The following TAF4B variants were observed in gnomAD, a reference collection of about 807,000 sequenced individuals.
TAF4B encodes the protein transcription initiation factor TFIID subunit 4B.
TAF4B carries 38 observed loss-of-function variants against 86.4 expected under a neutral mutation model. The observed-to-expected ratio is 0.44, with a 90% CI of 0.34 to 0.58. The LOEUF is 0.58. TAF4B is among the 20% of genes least tolerant of loss of function. The pLI, the probability that TAF4B is intolerant of heterozygous loss-of-function variation, is 0.02. For synonymous variants in TAF4B, 388 were observed against 391.2 expected, an observed-to-expected ratio of 0.99 and a Z score of 0.10; for missense variants, 988 against 1,027.6, an observed-to-expected ratio of 0.96 and a Z score of 0.53.
intron 1 of TAF4B, among the ~76,000 whole-genome samples, chr18:26,255,046 A>G (rs1205791668): frequency 1.3e-5 from 2 of 150,290 alleles, no homozygotes; most frequent in African/African-American, 4.8e-5. Context: ...AGGGAAAACA[A>G]GAGTAGCCAG....
intron 5 of TAF4B, among the ~76,000 whole-genome samples, chr18:26,279,274 G>A (rs896113073): frequency 2.0e-5 from 3 of 152,002 alleles, no homozygotes; most frequent in Non-Finnish European, 4.4e-5. Flanking sequence ...ATTTACAATA[G>A]CCACACACAC....
rs141463249 is a variant in TAF4B, at chr18:26,332,518, G to A, written c.2260-2657G>A. 3.9e-5 allele frequency among the ~76,000 whole-genome samples: 6 copies of A among 152,000 alleles called. No individual in the cohort carries two copies. The East Asian group carries it at 5.8e-4, about 15-fold the overall frequency. On this transcript the variant is annotated intron_variant, in intron 12 of 14. Coordinates refer to ENST00000269142, the MANE Select transcript of TAF4B (RefSeq NM_005640.3). ...CATCTCACCCCTGTGCTCCAAACAC[G>A]CCAGTGGATTTTTGTTGTTGTTATT... is the stretch of plus-strand genomic sequence containing the variant.
intron 14 of TAF4B, among the ~76,000 whole-genome samples, chr18:26,358,071 T>C (rs973207034): frequency 5.3e-5 from 8 of 152,314 alleles, no homozygotes; most frequent in African/African-American, 1.4e-4. Flanking sequence ...TATTTAAATT[T>C]TTTATTTCTG....
chr18:26,308,731 G>T (rs1249709461), intron 9 of TAF4B, among the ~76,000 whole-genome samples: 1 of 151,850 alleles, frequency 6.6e-6, no homozygotes, highest in Non-Finnish European at 1.5e-5. Context: ...AATTAGCTGG[G>T]TGTGGTGGTG....
At chr18:26,310,688 C>T (rs906857674) in intron 9 of TAF4B, among the ~76,000 whole-genome samples, 3 of 152,040 alleles carry the variant, frequency 2.0e-5, no homozygotes, top group Non-Finnish European at 4.4e-5. Context: ...ACATTTTACA[C>T]GAAATTTATA....
At chr18:26,342,375 C>A (rs2057143599) in intron 13 of TAF4B, among the ~76,000 whole-genome samples, 1 of 152,078 alleles carries the variant, frequency 6.6e-6, no homozygotes, top group African/African-American at 2.4e-5. Flanking sequence ...TTAAATGTGC[C>A]CCTGTTCCTG....
chr18:26,264,182 T>C (rs2056207488), intron 1 of TAF4B, among the ~76,000 whole-genome samples: 1 of 152,180 alleles, frequency 6.6e-6, no homozygotes, highest in Non-Finnish European at 1.5e-5. Context: ...CTCACACCTG[T>C]AATCCCAGCA....
chr18:26,381,951 T>C (rs898988283), intron 14 of TAF4B, among the ~76,000 whole-genome samples: 8 of 114,764 alleles, frequency 7.0e-5, no homozygotes, highest in Middle Eastern at 4.0e-3. Flanking sequence ...TGGTTTCTCT[T>C]TTTTTCTATA....
intron 9 of TAF4B, among the ~76,000 whole-genome samples, chr18:26,308,115 A>C (rs1192270799): frequency 6.6e-6 from 1 of 151,894 alleles, no homozygotes; most frequent in African/African-American, 2.4e-5. Context: ...TTAGTTGGGC[A>C]TGGTGGCGCA....
intron 5 of TAF4B, among the ~76,000 whole-genome samples, chr18:26,279,712 A>G (rs2056424600): frequency 1.3e-5 from 2 of 152,208 alleles, no homozygotes; most frequent in Non-Finnish European, 2.9e-5. Context: ...CTGCACACCT[A>G]CAACTATCTG....
intron 1 of TAF4B, among the ~76,000 whole-genome samples, chr18:26,231,349 T>G (rs1333776074): frequency 2.3e-5 from 3 of 130,872 alleles, no homozygotes; most frequent in East Asian, 2.1e-4. Flanking sequence ...CTTGGGGTTT[T>G]TTTTTTTTTT....
At position 26,275,153 on chromosome 18, in the gene TAF4B, T is replaced by A. The variant is rs1191076603; in HGVS notation, c.882+100T>A. 5 of 1,253,500 alleles carry A rather than the reference T, an allele frequency of 4.0e-6. No individual in the cohort carries two copies. The African/African-American group carries it at 4.6e-5, about 12-fold the overall frequency. 77.6% of individuals were successfully genotyped at this position (1,253,500 alleles called of 1,614,324 possible). A position where few individuals can be genotyped will look rare whatever the true frequency, so the allele number is the denominator to read the frequency against. On this transcript the variant is annotated intron_variant, in intron 5 of 14. Coordinates refer to ENST00000269142, the MANE Select transcript of TAF4B (RefSeq NM_005640.3). ...TTAAATGGGATTTATTTAATTTATT[T>A]ATTTATTTAATTTATGTTTTGAGAC...
At chr18:26,244,153 C>T (rs1176014661) in intron 1 of TAF4B, among the ~76,000 whole-genome samples, 1 of 152,226 alleles carries the variant, frequency 6.6e-6, no homozygotes, top group Non-Finnish European at 1.5e-5. Flanking sequence ...GCCTTTTGTT[C>T]AGTTATGCCC....
chr18:26,327,064 T>A lies in TAF4B; in HGVS notation c.2183T>A (p.Phe728Tyr). The stretch of plus-strand genomic sequence containing the variant: ...AGTGATACCAGGTCACAGCTCAAAT[T>A]TCTTGAAAAGCTGGATCAATTGGAG... The part of the protein sequence containing the change: ...LCSDTRSQLK[F>Y]LEKLDQLEKQ... The change falls in exon 12 of 15, where the codon TTT becomes TAT. Residue 728 changes from phenylalanine (F) to tyrosine (Y), a missense_variant. Around this residue, in one of 3 missense-constraint regions of TAF4B, gnomAD observed 216 missense variants for 238.4 expected, o/e 0.91. Coordinates refer to ENST00000269142, the MANE Select transcript of TAF4B (RefSeq NM_005640.3). 1 of 1,613,762 alleles carries A rather than the reference T, an allele frequency of 6.2e-7. No individual in the cohort carries two copies.
intron 14 of TAF4B, among the ~76,000 whole-genome samples, chr18:26,385,608 T>TTTTC: frequency 6.6e-6 from 1 of 152,106 alleles, no homozygotes; most frequent in South Asian, 2.1e-4. Context: ...TATCCTCATG[T>TTTTC]AGAAAGTTAC....
intron 14 of TAF4B, among the ~76,000 whole-genome samples, chr18:26,385,923 T>A (rs1978341678): frequency 6.6e-6 from 1 of 152,140 alleles, no homozygotes; most frequent in Admixed American, 6.6e-5. Flanking sequence ...TAGCTGGTTA[T>A]TCTGGCCAGG....
intron 1 of TAF4B, among the ~76,000 whole-genome samples, chr18:26,242,948 T>G (rs1445728919): frequency 1.3e-5 from 2 of 152,232 alleles, no homozygotes; most frequent in Non-Finnish European, 2.9e-5. Context: ...TCTGCCAAGA[T>G]ATCTGCTGTT....
chr18:26,373,588 C>T lies in TAF4B; in HGVS notation c.2421+15794C>T, dbSNP rs573289849. On this transcript the variant is annotated intron_variant, in intron 14 of 14. Transcript: ENST00000269142. ...TCTTAAAGTGAACTAGTTTACATTCCTACCAGTGTTGTATGAAAGTGTTTA... is the reference window on the plus strand; with the variant it reads ...TCTTAAAGTGAACTAGTTTACATTCTTACCAGTGTTGTATGAAAGTGTTTA... Among the ~76,000 whole-genome samples the T allele has an allele frequency of 7.9e-5, 12 of 152,174 alleles. No homozygotes were observed. The East Asian group carries it at 2.3e-3, about 29-fold the overall frequency.
At chr18:26,238,241 A>C (rs2055779567) in intron 1 of TAF4B, among the ~76,000 whole-genome samples, 1 of 151,970 alleles carries the variant, frequency 6.6e-6, no homozygotes, top group Admixed American at 6.6e-5. Flanking sequence ...TTGGGACCTT[A>C]CTCTTGTCCT....
Sources: allele counts gnomAD v4.1 joint callset (sites outside exome capture counted in the v4.1 genomes callset), GRCh38; gene constraint gnomAD v4.1.1; regional missense constraint gnomAD v4.1.1; transcripts MANE v1.5; gene names NCBI Gene and HGNC (gene_info 2026-07-23, HGNC 2026-07-21).